The following KCNIP4 variants were observed in gnomAD, a reference collection of about 807,000 sequenced individuals.
KCNIP4 encodes the protein Kv channel-interacting protein 4.
A neutral mutation model predicts 34.0 loss-of-function variants in KCNIP4; 12 were observed. The ratio of observed to expected loss-of-function variants is 0.35; its 90% CI spans 0.23 to 0.57. KCNIP4 has a LOEUF of 0.57. KCNIP4 is among the 20% of genes least tolerant of loss of function. The pLI, the probability that KCNIP4 is intolerant of heterozygous loss-of-function variation, is 0.83. For missense variants in KCNIP4, 238 were observed against 311.7 expected (o/e 0.76, Z 1.78); for synonymous variants, 124 against 102.2 (o/e 1.21, Z -1.29).
intron 1 of KCNIP4, among the ~76,000 whole-genome samples, chr4:21,271,962 A>C (rs1045752546): frequency 1.1e-4 from 17 of 152,298 alleles, no homozygotes; most frequent in Middle Eastern, 3.4e-3. Context: ...GCAACCCCAT[A>C]CATTTTACTG....
intron 1 of KCNIP4, among the ~76,000 whole-genome samples, chr4:21,263,810 C>T (rs145071264): frequency 3.9e-5 from 6 of 152,236 alleles, no homozygotes; most frequent in Admixed American, 3.3e-4. Flanking sequence ...CATGCACCAC[C>T]ATGCCTGACT....
At chr4:21,146,783 T>C (rs1376357803) in intron 1 of KCNIP4, among the ~76,000 whole-genome samples, 1 of 152,202 alleles carries the variant, frequency 6.6e-6, no homozygotes, top group East Asian at 1.9e-4. Flanking sequence ...CATACCTTTA[T>C]GTTCAAAATA....
chr4:21,036,953 C>T (rs1336962796), intron 1 of KCNIP4, among the ~76,000 whole-genome samples: 1 of 151,950 alleles, frequency 6.6e-6, no homozygotes, highest in African/African-American at 2.4e-5. Flanking sequence ...GATCTTGGCC[C>T]TGGGGTAGGC....
At chr4:21,420,567 G>T (rs1327226440) in intron 1 of KCNIP4, among the ~76,000 whole-genome samples, 1 of 152,140 alleles carries the variant, frequency 6.6e-6, no homozygotes, top group Non-Finnish European at 1.5e-5. Flanking sequence ...TCTTTGCAGT[G>T]TTCTTTATCA....
chr4:21,706,889 A>T (rs1310289561), intron 1 of KCNIP4, among the ~76,000 whole-genome samples: 2 of 152,206 alleles, frequency 1.3e-5, no homozygotes, highest in East Asian at 3.9e-4. Context: ...GCAAAGTCAC[A>T]GGTTTTGAAA....
intron 1 of KCNIP4, among the ~76,000 whole-genome samples, chr4:21,082,911 C>CTATCTATCTATA (rs1240692968): frequency 2.7e-5 from 4 of 149,664 alleles, no homozygotes; most frequent in African/African-American, 9.9e-5. Context: ...ATCTATCTAT[C>CTATCTATCTATA]TAAAATTTAT....
chr4:21,343,702 C>A lies in KCNIP4; in HGVS notation c.62-460993G>T, dbSNP rs116907129. 1.4e-3 allele frequency among the ~76,000 whole-genome samples: 219 copies of A among 152,166 alleles called. 3 individuals carry two copies. The East Asian group carries it at 0.036, about 25-fold the overall frequency. On this transcript the variant is annotated intron_variant, in intron 1 of 8. Coordinates refer to ENST00000382152, the MANE Select transcript of KCNIP4 (RefSeq NM_025221.6). ...AATGTACACTTTCTAACTTCACCCC[C>A]AGAAAGTCTCAGGGGGAGCTTCAAA... is the stretch of plus-strand genomic sequence containing the variant.
intron 1 of KCNIP4, among the ~76,000 whole-genome samples, chr4:21,661,630 G>C (rs542726938): frequency 2.0e-5 from 3 of 152,186 alleles, no homozygotes; most frequent in Non-Finnish European, 4.4e-5. Context: ...TGAGAACACT[G>C]TGGCTCAGAG....
intron 1 of KCNIP4, among the ~76,000 whole-genome samples, chr4:21,788,562 G>C (rs931427603): frequency 1.4e-4 from 21 of 151,224 alleles, no homozygotes; most frequent in African/African-American, 4.2e-4. Context: ...AGGTCACCAG[G>C]CATCTCAGAT....
At chr4:21,483,518 G>C (rs1426129455) in intron 1 of KCNIP4, among the ~76,000 whole-genome samples, 1 of 152,056 alleles carries the variant, frequency 6.6e-6, no homozygotes, top group African/African-American at 2.4e-5. Context: ...GGCCGGGCGT[G>C]GTGGTGCACG....
chr4:21,261,384 G>A (rs373404134), intron 1 of KCNIP4, among the ~76,000 whole-genome samples: 1 of 152,072 alleles, frequency 6.6e-6, no homozygotes, highest in African/African-American at 2.4e-5. Context: ...CAGAGTATTA[G>A]AATGGTTTCA....
chr4:20,828,743 A>C lies in KCNIP4; in HGVS notation c.288+21800T>G, dbSNP rs75292282. Among the ~76,000 whole-genome samples the C allele has an allele frequency of 5.4e-3, 821 of 152,268 alleles. 11 individuals are homozygous for C. Among genetic ancestry groups the C allele is most frequent in the African/African-American group, 0.019 (775 of 41,546 alleles). On this transcript the variant is annotated intron_variant, in intron 3 of 8. Coordinates refer to ENST00000382152, the MANE Select transcript of KCNIP4 (RefSeq NM_025221.6). ...ATTTTCTTATGCACATTGTTTGTTG[A>C]ATTTTTATATCCACACAGAAATGCA...
intron 1 of KCNIP4, among the ~76,000 whole-genome samples, chr4:21,717,459 A>C (rs2109089167): frequency 6.6e-6 from 1 of 152,330 alleles, no homozygotes; most frequent in Non-Finnish European, 1.5e-5. Flanking sequence ...ACTTGGATTT[A>C]GCATTGAGCA....
intron 1 of KCNIP4, among the ~76,000 whole-genome samples, chr4:21,344,700 T>C (rs1717119143): frequency 6.6e-6 from 1 of 152,182 alleles, no homozygotes; most frequent in Admixed American, 6.5e-5. Flanking sequence ...ATCCCCGATA[T>C]GTAGGCAGAA....
chr4:21,165,841 G>C (rs192551933), intron 1 of KCNIP4, among the ~76,000 whole-genome samples: 11 of 152,314 alleles, frequency 7.2e-5, no homozygotes, highest in Admixed American at 7.2e-4. Context: ...GCAGCATTAA[G>C]AGGTGCGGCC....
At position 20,969,965 on chromosome 4, in the gene KCNIP4, G is replaced by A. The variant is rs138883615; in HGVS notation, c.62-87256C>T. 7.3e-3 allele frequency among the ~76,000 whole-genome samples: 1,081 copies of A among 148,600 alleles called. 16 individuals are homozygous for A. Among genetic ancestry groups the A allele is most frequent in the African/African-American group, 0.025 (1,014 of 40,566 alleles). Reference sequence around the variant, plus strand: ...TCAGCAGTTTTTTTTTTTTTGAGACGGATTCTTGCTTTGTTCCCCAGGCTG... The same window carrying A: ...TCAGCAGTTTTTTTTTTTTTGAGACAGATTCTTGCTTTGTTCCCCAGGCTG... On this transcript the variant is annotated intron_variant, in intron 1 of 8. Coordinates refer to ENST00000382152, the MANE Select transcript of KCNIP4 (RefSeq NM_025221.6).
chr4:20,769,960 A>T (rs187945031), intron 3 of KCNIP4, among the ~76,000 whole-genome samples: 3 of 152,336 alleles, frequency 2.0e-5, no homozygotes, highest in Admixed American at 2.0e-4. Context: ...TCATCTCTGT[A>T]TCTTAAGGTC....
At chr4:21,004,758 TG>T (rs1215542887) in intron 1 of KCNIP4, among the ~76,000 whole-genome samples, 1 of 152,120 alleles carries the variant, frequency 6.6e-6, no homozygotes, top group Non-Finnish European at 1.5e-5. Flanking sequence ...TTTTGCAATA[TG>T]GGTGTCACTG....
intron 1 of KCNIP4, among the ~76,000 whole-genome samples, chr4:21,649,327 G>T (rs1203239614): frequency 6.6e-6 from 1 of 152,134 alleles, no homozygotes; most frequent in Non-Finnish European, 1.5e-5. Context: ...TCCCATCATT[G>T]GAGCCTGTAT....
Sources: allele counts gnomAD v4.1 joint callset (sites outside exome capture counted in the v4.1 genomes callset), GRCh38; gene constraint gnomAD v4.1.1; transcripts MANE v1.5; gene names NCBI Gene and HGNC (gene_info 2026-07-23, HGNC 2026-07-21).